GALNTL6: variants seen among roughly 807,000 people sequenced by gnomAD.
GALNTL6 encodes polypeptide N-acetylgalactosaminyltransferase-like 6.
In GALNTL6, 46 loss-of-function variants were observed where a neutral mutation model predicts 73.7. That is an observed-to-expected ratio of 0.62 (90% CI 0.49 to 0.80). The LOEUF (loss-of-function observed/expected upper bound fraction) is 0.80, where lower values mean the gene tolerates loss of function less well. GALNTL6 is among the 30% of genes least tolerant of loss of function. The probability of loss-of-function intolerance (pLI) is 0.00; values close to 1 mark genes in which losing one functional copy is unlikely to be tolerated. For missense variants in GALNTL6, 604 were observed against 755.0 expected, an observed-to-expected ratio of 0.80 and a Z score of 2.34; for synonymous variants, 259 against 263.7, an observed-to-expected ratio of 0.98 and a Z score of 0.17.
intron 5 of GALNTL6, among the ~76,000 whole-genome samples, chr4:172,794,320 C>T (rs888344554): frequency 1.3e-5 from 2 of 152,124 alleles, no homozygotes; most frequent in African/African-American, 4.8e-5. Flanking sequence ...AATAATATTA[C>T]CCATTTAAAA....
chr4:172,669,758 CATCA>C (rs918675574), intron 5 of GALNTL6, among the ~76,000 whole-genome samples: 3 of 10,772 alleles, frequency 2.8e-4, no homozygotes, highest in South Asian at 5.5e-3. Flanking sequence ...CAGATTATTT[CATCA>C]CTCAGGTATG....
At chr4:172,661,459 G>A (rs925426773) in intron 5 of GALNTL6, among the ~76,000 whole-genome samples, 7 of 152,056 alleles carry the variant, frequency 4.6e-5, no homozygotes, top group Admixed American at 3.9e-4. Flanking sequence ...TGGCTAACAC[G>A]GTGAGTAAAC....
At chr4:172,558,293 G>T (rs1277233538) in intron 5 of GALNTL6, among the ~76,000 whole-genome samples, 1 of 152,142 alleles carries the variant, frequency 6.6e-6, no homozygotes, top group Non-Finnish European at 1.5e-5. Flanking sequence ...TTTGAAAAAG[G>T]TGTAAGTTAA....
chr4:171,938,167 G>C (rs1470989359), intron 2 of GALNTL6, among the ~76,000 whole-genome samples: 1 of 152,022 alleles, frequency 6.6e-6, no homozygotes, highest in African/African-American at 2.4e-5. Context: ...TCATGCTGTA[G>C]AAATTTAACA....
At chr4:172,733,927 G>T (rs1736301980) in intron 5 of GALNTL6, among the ~76,000 whole-genome samples, 1 of 152,202 alleles carries the variant, frequency 6.6e-6, no homozygotes, top group African/African-American at 2.4e-5. Context: ...GCAGAGGTTG[G>T]AAAAGTTTGG....
rs115035739 is a variant in GALNTL6, at chr4:172,918,516, G to A, written c.1042-12645G>A. ...TCCCTTTTCCTCTCCAAACAGCTGAGAATACATATAATGCCTTCCTTCCCC... is the reference window on the plus strand; with the variant it reads ...TCCCTTTTCCTCTCCAAACAGCTGAAAATACATATAATGCCTTCCTTCCCC... On this transcript the variant is annotated intron_variant, in intron 8 of 12. Transcript: ENST00000506823. Among the ~76,000 whole-genome samples, 1,297 of 152,206 alleles carry A rather than the reference G, an allele frequency of 8.5e-3. 14 individuals carry two copies. The highest frequency in any genetic ancestry group is 0.027 in the African/African-American group (1,130 of 41,520).
In GALNTL6 at chr4:172,317,310, G is replaced by A. The variant is rs546032706; in HGVS notation, c.386+5558G>A. 4.4e-4 allele frequency among the ~76,000 whole-genome samples: 67 copies of A among 152,288 alleles called. 1 individual carries two copies. Among genetic ancestry groups the A allele is most frequent in the Admixed American group, 8.5e-4 (13 of 15,296 alleles). On this transcript the variant is annotated intron_variant, in intron 4 of 12. Transcript: ENST00000506823. ...TGTGATGCTGAACAAGTCCAATTGC[G>A]TTTTGAATGTTTATGTGCCCATTTC...
At chr4:172,659,444 A>G (rs969972848) in intron 5 of GALNTL6, among the ~76,000 whole-genome samples, 2 of 152,116 alleles carry the variant, frequency 1.3e-5, no homozygotes, top group Non-Finnish European at 2.9e-5. Flanking sequence ...TAGTCGTCCT[A>G]TGGTGCTACT....
chr4:172,978,963 T>C (rs1750956710), intron 10 of GALNTL6, among the ~76,000 whole-genome samples: 1 of 152,348 alleles, frequency 6.6e-6, no homozygotes, highest in African/African-American at 2.4e-5. Context: ...AAAATGAGGA[T>C]AGTAGTCCCT....
At chr4:171,906,960 A>C (rs140676253) in intron 2 of GALNTL6, among the ~76,000 whole-genome samples, 9,716 of 151,978 alleles carry the variant, frequency 0.064, 915 homozygotes, top group African/African-American at 0.21. Context: ...CATGCTAAAA[A>C]CTCTTAATAA....
chr4:172,378,535 T>G (rs1743136833), intron 5 of GALNTL6, among the ~76,000 whole-genome samples: 1 of 152,154 alleles, frequency 6.6e-6, no homozygotes, highest in African/African-American at 2.4e-5. Context: ...AGTGATTTGA[T>G]GGAATTCGAA....
chr4:172,008,138 A>G (rs1331361416), intron 2 of GALNTL6, among the ~76,000 whole-genome samples: 1 of 152,186 alleles, frequency 6.6e-6, no homozygotes, highest in Non-Finnish European at 1.5e-5. Context: ...ACTCTAGATA[A>G]GTATATTCAA....
At chr4:172,911,269 C>T (rs1481508845) in intron 8 of GALNTL6, among the ~76,000 whole-genome samples, 1 of 152,188 alleles carries the variant, frequency 6.6e-6, no homozygotes, top group Non-Finnish European at 1.5e-5. Context: ...ATGCTTTGTA[C>T]ACATGGTTTT....
intron 2 of GALNTL6, among the ~76,000 whole-genome samples, chr4:171,894,084 C>T (rs533930291): frequency 3.2e-4 from 49 of 152,228 alleles, no homozygotes; most frequent in African/African-American, 1.1e-3. Context: ...ATGATGCTTG[C>T]TATTCTCTCT....
At chr4:172,563,767 C>T (rs955938234) in intron 5 of GALNTL6, among the ~76,000 whole-genome samples, 4 of 152,138 alleles carry the variant, frequency 2.6e-5, no homozygotes, top group African/African-American at 9.7e-5. Flanking sequence ...TAGGTCTGTC[C>T]ATTGACAGGT....
chr4:172,501,548 G>C (rs1252088889), intron 5 of GALNTL6, among the ~76,000 whole-genome samples: 1 of 152,078 alleles, frequency 6.6e-6, no homozygotes, highest in East Asian at 1.9e-4. Context: ...GAATGAGAGA[G>C]AAATACTCTC....
chr4:173,006,363 G>C (rs766055824), intron 10 of GALNTL6, among the ~76,000 whole-genome samples: 6 of 152,194 alleles, frequency 3.9e-5, no homozygotes, highest in Non-Finnish European at 7.3e-5. Flanking sequence ...CTGTCAGGTA[G>C]CTTTCAGGTT....
intron 5 of GALNTL6, among the ~76,000 whole-genome samples, chr4:172,759,958 TC>T (rs976536292): frequency 6.6e-6 from 1 of 150,426 alleles, no homozygotes; most frequent in African/African-American, 2.5e-5. Flanking sequence ...TGCCTCAGCC[TC>T]CCCAGTAGCT....
Position 172,845,390 on chromosome 4 carries a change from G to T in GALNTL6, c.923+31667G>T, listed in dbSNP as rs536318613. Among the ~76,000 whole-genome samples the T allele has an allele frequency of 3.9e-5, 6 of 152,212 alleles. No homozygotes were observed. The South Asian group carries it at 8.3e-4, about 21-fold the overall frequency. The stretch of plus-strand genomic sequence containing the variant: ...ACAGCATTTTGTGCACTACTCTTAT[G>T]TAGAGAGTACCCCAACCGCACTTAG... On this transcript the variant is annotated intron_variant, in intron 7 of 12. Transcript: ENST00000506823.
Sources: allele counts gnomAD v4.1 joint callset (sites outside exome capture counted in the v4.1 genomes callset), GRCh38; gene constraint gnomAD v4.1.1; transcripts MANE v1.5; gene names NCBI Gene and HGNC (gene_info 2026-07-23, HGNC 2026-07-21).